Variants in SGCZ observed in about 807,000 individuals in gnomAD.
SGCZ encodes sarcoglycan zeta, also known as zeta-sarcoglycan.
In SGCZ, 40 loss-of-function variants were observed where a neutral mutation model predicts 41.3. The observed-to-expected ratio is 0.97, with a 90% CI of 0.75 to 1.26. The LOEUF is 1.26. SGCZ is among the 50% of genes most tolerant of loss of function. SGCZ has a pLI of 0.00. For missense variants in SGCZ, 552 were observed against 369.8 expected, an observed-to-expected ratio of 1.49 and a Z score of -4.04; for synonymous variants, 206 against 137.5, an observed-to-expected ratio of 1.50 and a Z score of -3.49.
At chr8:14,906,703 C>T (rs1179404463) in intron 1 of SGCZ, among the ~76,000 whole-genome samples, 1 of 152,166 alleles carries the variant, frequency 6.6e-6, no homozygotes, top group Non-Finnish European at 1.5e-5. Flanking sequence ...GAAGATCAAA[C>T]AACAGAACTT....
Position 14,565,313 on chromosome 8 carries a change from CT to C in SGCZ, c.40-10388del, listed in dbSNP as rs140341746. On this transcript the variant is annotated intron_variant, in intron 1 of 7. Coordinates refer to ENST00000382080, the MANE Select transcript of SGCZ (RefSeq NM_139167.4). Reference sequence around the variant, plus strand: ...ATTTCATTGGATGAAAATGCAATGACTTTTTTTTTTTGACATTTATTTAGGC... The same window carrying C: ...ATTTCATTGGATGAAAATGCAATGACTTTTTTTTTTGACATTTATTTAGGC... Among the ~76,000 whole-genome samples the C allele has an allele frequency of 1.6e-3, 237 of 146,816 alleles. 1 individual carries two copies. Among genetic ancestry groups the C allele is most frequent in the South Asian group, 7.7e-3 (36 of 4,656 alleles).
intron 2 of SGCZ, among the ~76,000 whole-genome samples, chr8:14,530,979 G>C (rs896908937): frequency 6.6e-6 from 1 of 151,996 alleles, no homozygotes; most frequent in East Asian, 1.9e-4. Context: ...AGGTGGACAG[G>C]GAGGGGTTCC....
intron 4 of SGCZ, among the ~76,000 whole-genome samples, chr8:14,213,167 C>A (rs529338180): frequency 1.2e-4 from 19 of 152,112 alleles, no homozygotes; most frequent in African/African-American, 3.4e-4. Context: ...TAGACAAAAT[C>A]TTTCCAACTT....
intron 1 of SGCZ, among the ~76,000 whole-genome samples, chr8:15,058,259 C>T (rs1804788019): frequency 6.6e-6 from 1 of 152,084 alleles, no homozygotes; most frequent in African/African-American, 2.4e-5. Flanking sequence ...TTCAAATATT[C>T]TCCATGTATC....
At chr8:14,775,624 T>C (rs1045270008) in intron 1 of SGCZ, among the ~76,000 whole-genome samples, 1 of 152,132 alleles carries the variant, frequency 6.6e-6, no homozygotes, top group African/African-American at 2.4e-5. Flanking sequence ...ACAGTACATA[T>C]GAGGTACATG....
chr8:14,276,580 C>T (rs1021474453), intron 3 of SGCZ, among the ~76,000 whole-genome samples: 3 of 152,112 alleles, frequency 2.0e-5, no homozygotes, highest in African/African-American at 7.2e-5. Flanking sequence ...TTTCCTATAT[C>T]CACTGGCTTG....
At chr8:14,304,070 A>T (rs1801277058) in intron 3 of SGCZ, among the ~76,000 whole-genome samples, 1 of 152,076 alleles carries the variant, frequency 6.6e-6, no homozygotes, top group Non-Finnish European at 1.5e-5. Context: ...ATTTTTTAAT[A>T]ATGGCTTTAC....
In SGCZ at chr8:15,131,245, G is replaced by A. The variant is rs115869649; in HGVS notation, c.39+106340C>T. Among the ~76,000 whole-genome samples, 656 of 152,248 alleles carry A rather than the reference G, an allele frequency of 4.3e-3. 7 individuals are homozygous for A. Among genetic ancestry groups the A allele is most frequent in the African/African-American group, 0.015 (624 of 41,524 alleles). ...GGGAAGGGCCCAGTGGGAGATAACT[G>A]AACCATCAGGATGGTTTCTCCCATA... On this transcript the variant is annotated intron_variant, in intron 1 of 7. Transcript: ENST00000382080.
intron 1 of SGCZ, among the ~76,000 whole-genome samples, chr8:14,832,959 A>G (rs2130606086): frequency 6.6e-6 from 1 of 152,234 alleles, no homozygotes; most frequent in African/African-American, 2.4e-5. Context: ...ATGAATTTTA[A>G]AATATTTCTA....
chr8:14,463,476 A>G (rs139594707), intron 2 of SGCZ, among the ~76,000 whole-genome samples: 75 of 151,424 alleles, frequency 5.0e-4, no homozygotes, highest in African/African-American at 1.8e-3. Flanking sequence ...AATACCATAT[A>G]TAACAAAATT....
intron 2 of SGCZ, among the ~76,000 whole-genome samples, chr8:14,498,396 C>G (rs1585596765): frequency 6.6e-6 from 1 of 151,990 alleles, no homozygotes; most frequent in African/African-American, 2.4e-5. Flanking sequence ...TTGATATACC[C>G]TTTTTATCAT....
chr8:15,119,137 TA>T (rs1213713433), intron 1 of SGCZ, among the ~76,000 whole-genome samples: 1 of 152,188 alleles, frequency 6.6e-6, no homozygotes, highest in African/African-American at 2.4e-5. Flanking sequence ...AGCCATTTGT[TA>T]GACTCTAAAG....
chr8:14,761,539 A>T (rs726907), intron 1 of SGCZ, among the ~76,000 whole-genome samples: 82,507 of 135,130 alleles, frequency 0.61, 24,846 homozygotes, highest in East Asian at 0.77. Flanking sequence ...TTATTTATTT[A>T]TTTTTTTTTT....
intron 1 of SGCZ, among the ~76,000 whole-genome samples, chr8:14,836,090 C>T (rs563411432): frequency 6.6e-6 from 1 of 152,200 alleles, no homozygotes; most frequent in South Asian, 2.1e-4. Context: ...TAGGGACATT[C>T]ACACATTGCC....
chr8:14,486,035 G>T (rs1205205202), intron 2 of SGCZ, among the ~76,000 whole-genome samples: 2 of 152,102 alleles, frequency 1.3e-5, no homozygotes, highest in East Asian at 3.9e-4. Context: ...TAGAGACGGG[G>T]TAGAACAATT....
intron 3 of SGCZ, among the ~76,000 whole-genome samples, chr8:14,271,544 T>C (rs1406904250): frequency 1.3e-5 from 2 of 152,194 alleles, no homozygotes; most frequent in Non-Finnish European, 2.9e-5. Flanking sequence ...GGAATTACAA[T>C]TTTGACTTAG....
At chr8:14,431,978 A>T (rs1042104799) in intron 2 of SGCZ, among the ~76,000 whole-genome samples, 7 of 152,238 alleles carry the variant, frequency 4.6e-5, no homozygotes, top group African/African-American at 1.7e-4. Context: ...CCACAATGCG[A>T]TATCACCTTA....
chr8:14,154,861 A>C (rs2116960927), intron 5 of SGCZ, among the ~76,000 whole-genome samples: 2 of 152,252 alleles, frequency 1.3e-5, no homozygotes, highest in African/African-American at 4.8e-5. Context: ...GTCTCTGATG[A>C]CAACTATGAT....
At chr8:14,926,795 C>G (rs1799766812) in intron 1 of SGCZ, among the ~76,000 whole-genome samples, 1 of 152,058 alleles carries the variant, frequency 6.6e-6, no homozygotes, top group East Asian at 1.9e-4. Flanking sequence ...CATGCGCCAC[C>G]ACACCCAGCT....
Sources: gnomAD v4.1 joint callset for allele counts (sites outside exome capture counted in the v4.1 genomes callset) on GRCh38, gnomAD v4.1.1 for gene constraint, MANE v1.5 for transcripts, NCBI Gene and HGNC (gene_info 2026-07-23, HGNC 2026-07-21) for gene names.